Variants in SYN3 observed in about 807,000 individuals in gnomAD.
SYN3 encodes synapsin III.
A neutral mutation model predicts 65.8 loss-of-function variants in SYN3; 35 were observed. The observed-to-expected ratio is 0.53, with a 90% confidence interval of 0.41 to 0.70. The LOEUF (loss-of-function observed/expected upper bound fraction) is 0.70. Among genes scored for constraint, SYN3 ranks in the 30% least tolerant of loss-of-function variants. SYN3 has a pLI of 0.00. For missense variants in SYN3, 680 were observed against 749.0 expected, an observed-to-expected ratio of 0.91 and a Z score of 1.08; for synonymous variants, 270 against 292.9, an observed-to-expected ratio of 0.92 and a Z score of 0.80.
chr22:32,631,323 A>C (rs1325893064), intron 6 of SYN3, among the ~76,000 whole-genome samples: 1 of 151,702 alleles, frequency 6.6e-6, no homozygotes, highest in Non-Finnish European at 1.5e-5. Flanking sequence ...AAAAAAAAAA[A>C]AACCCAGAAA....
chr22:32,972,202 C>T (rs759684779), intron 3 of SYN3, among the ~76,000 whole-genome samples: 2 of 152,064 alleles, frequency 1.3e-5, no homozygotes, highest in Non-Finnish European at 2.9e-5. Context: ...TCCTACAGAT[C>T]GATTAATAAA....
chr22:32,573,770 T>G (rs111577105), intron 7 of SYN3, among the ~76,000 whole-genome samples: 20,586 of 144,800 alleles, frequency 0.14, 1,661 homozygotes, highest in East Asian at 0.27. Context: ...AGGGGTTTTT[T>G]TTTTTTTTTT....
At chr22:32,694,972 G>A (rs1943664249) in intron 6 of SYN3, among the ~76,000 whole-genome samples, 1 of 152,198 alleles carries the variant, frequency 6.6e-6, no homozygotes. Context: ...GGCACTAAAG[G>A]ATAAAGAGAA....
chr22:32,611,040 A>C (rs1210792122), intron 6 of SYN3, among the ~76,000 whole-genome samples: 1 of 152,204 alleles, frequency 6.6e-6, no homozygotes, highest in East Asian at 1.9e-4. Context: ...ATGAAGACAA[A>C]TGAATGTCTA....
At chr22:32,628,642 G>A (rs1322764462) in intron 6 of SYN3, among the ~76,000 whole-genome samples, 4 of 152,074 alleles carry the variant, frequency 2.6e-5, no homozygotes, top group Admixed American at 2.0e-4. Flanking sequence ...CAGCTACTCC[G>A]GAGGCTGAGG....
At chr22:32,741,522 A>G (rs1001813443) in intron 6 of SYN3, among the ~76,000 whole-genome samples, 2 of 151,554 alleles carry the variant, frequency 1.3e-5, no homozygotes, top group Non-Finnish European at 2.9e-5. Flanking sequence ...CGTCCGGCTA[A>G]TTTTTTGTAT....
chr22:32,780,345 G>A (rs962577394), intron 6 of SYN3, among the ~76,000 whole-genome samples: 2 of 152,122 alleles, frequency 1.3e-5, no homozygotes, highest in Non-Finnish European at 2.9e-5. Flanking sequence ...AATTACAGGT[G>A]ATCGGACAAC....
chr22:32,742,686 C>T (rs1464247004), intron 6 of SYN3, among the ~76,000 whole-genome samples: 1 of 152,208 alleles, frequency 6.6e-6, no homozygotes, highest in Non-Finnish European at 1.5e-5. Flanking sequence ...TGCCTGAGTC[C>T]AAAGCCCATA....
At chr22:32,682,053 G>T (rs1489777490) in intron 6 of SYN3, among the ~76,000 whole-genome samples, 1 of 152,164 alleles carries the variant, frequency 6.6e-6, no homozygotes, top group East Asian at 1.9e-4. Context: ...AGGGAGGAGA[G>T]GGCACGGGAG....
At chr22:32,998,121 A>T (rs2052941366) in intron 2 of SYN3, among the ~76,000 whole-genome samples, 1 of 152,058 alleles carries the variant, frequency 6.6e-6, no homozygotes, top group Non-Finnish European at 1.5e-5. Context: ...CCACCTCCCA[A>T]ATTCCTCATT....
chr22:32,918,018 G>A (rs2050232639), intron 4 of SYN3, among the ~76,000 whole-genome samples: 1 of 152,358 alleles, frequency 6.6e-6, no homozygotes, highest in African/African-American at 2.4e-5. Context: ...TGACCTTGCA[G>A]ACCACATCCC....
At chr22:32,941,124 T>A (rs558420179) in intron 3 of SYN3, among the ~76,000 whole-genome samples, 33 of 152,288 alleles carry the variant, frequency 2.2e-4, no homozygotes, top group African/African-American at 7.2e-4. Flanking sequence ...AAAAAAAGTT[T>A]TATTAATTAA....
At chr22:32,946,203 A>T (rs1268659666) in intron 3 of SYN3, among the ~76,000 whole-genome samples, 1 of 152,216 alleles carries the variant, frequency 6.6e-6, no homozygotes, top group Non-Finnish European at 1.5e-5. Context: ...TATATACCCA[A>T]AGGACTATAA....
rs76918531 is a variant in SYN3 at position 32,710,906 on chromosome 22, G to GC, written c.712-114171dup. ...GCAATGCAAGAATGAACTAATACAC[G>GC]CCCCCCATGAAAGATCATAACAATT... On this transcript the variant is annotated intron_variant, in intron 6 of 13. Coordinates refer to ENST00000358763, the MANE Select transcript of SYN3 (RefSeq NM_003490.4). Among the ~76,000 whole-genome samples the GC allele has an allele frequency of 1.3e-3, 191 of 151,928 alleles. 2 individuals are homozygous for GC. The East Asian group carries it at 0.031, about 25-fold the overall frequency.
At chr22:32,897,228 C>T (rs1311783598) in intron 4 of SYN3, among the ~76,000 whole-genome samples, 1 of 152,166 alleles carries the variant, frequency 6.6e-6, no homozygotes, top group African/African-American at 2.4e-5. Flanking sequence ...GCCGGCAGAC[C>T]TGTTGTTTTC....
At chr22:32,978,817 GA>G (rs2052286521) in intron 3 of SYN3, among the ~76,000 whole-genome samples, 2 of 152,244 alleles carry the variant, frequency 1.3e-5, no homozygotes, top group African/African-American at 4.8e-5. Context: ...TGACTGCATG[GA>G]AAACACTTAA....
At chr22:32,665,309 C>T (rs2515971) in intron 6 of SYN3, among the ~76,000 whole-genome samples, 152,262 of 152,262 alleles carry the variant, frequency 1, 76,131 homozygotes, top group Non-Finnish European at 1. Flanking sequence ...ATTGTATCCT[C>T]CTTATTATGC....
At chr22:32,917,381 C>T (rs535684501) in intron 4 of SYN3, among the ~76,000 whole-genome samples, 3 of 152,246 alleles carry the variant, frequency 2.0e-5, no homozygotes, top group South Asian at 2.1e-4. Context: ...CTCGGAAAAA[C>T]GTCATTTCAC....
At chr22:32,658,911 T>G (rs1308081956) in intron 6 of SYN3, among the ~76,000 whole-genome samples, 1 of 152,218 alleles carries the variant, frequency 6.6e-6, no homozygotes, top group Non-Finnish European at 1.5e-5. Flanking sequence ...TAACATACAT[T>G]GCGAGCATAC....
Sources: gnomAD v4.1 joint callset for allele counts (sites outside exome capture counted in the v4.1 genomes callset) on GRCh38, gnomAD v4.1.1 for gene constraint, MANE v1.5 for transcripts, NCBI Gene and HGNC (gene_info 2026-07-23, HGNC 2026-07-21) for gene names.